Variants in ANO6 observed in about 807,000 individuals in gnomAD.
ANO6 encodes anoctamin 6.
ANO6 carries 106 observed loss-of-function variants against 117.5 expected under a neutral mutation model. The observed-to-expected ratio is 0.90, with a 90% CI of 0.77 to 1.06. The LOEUF is 1.06. Ranked by LOEUF, ANO6 falls within the 50% of genes least tolerant of loss-of-function variation. The probability of loss-of-function intolerance (pLI) is 0.00; values close to 1 mark genes in which losing one functional copy is unlikely to be tolerated. For missense variants in ANO6, 955 were observed against 1,121.1 expected, an observed-to-expected ratio of 0.85 and a Z score of 2.12; for synonymous variants, 367 against 385.1, an observed-to-expected ratio of 0.95 and a Z score of 0.55.
chr12:45,411,738 T>TGAC (rs1256942261), intron 16 of ANO6, among the ~76,000 whole-genome samples: 5 of 152,190 alleles, frequency 3.3e-5, no homozygotes, highest in African/African-American at 1.2e-4. Flanking sequence ...CTTTCCTACC[T>TGAC]GACAAGTCCT....
intron 3 of ANO6, among the ~76,000 whole-genome samples, chr12:45,342,135 AC>A (rs1940997955): frequency 1.3e-5 from 2 of 152,292 alleles, no homozygotes; most frequent in South Asian, 4.1e-4. Flanking sequence ...GAATCTAGCC[AC>A]TATGCCCAGG....
chr12:45,362,975 G>T (rs188920286), intron 8 of ANO6, among the ~76,000 whole-genome samples: 1 of 151,964 alleles, frequency 6.6e-6, no homozygotes, highest in African/African-American at 2.4e-5. Context: ...TATATATGTA[G>T]TTAGTTCTAT....
intron 3 of ANO6, among the ~76,000 whole-genome samples, chr12:45,345,151 A>G (rs1426174327): frequency 6.6e-6 from 1 of 152,232 alleles, no homozygotes; most frequent in African/African-American, 2.4e-5. Context: ...CTCTTAGAAC[A>G]GTGTCTGGCA....
chr12:45,325,040 TATATAATTAAGAAGAATCAG>T (rs558332744), intron 2 of ANO6, among the ~76,000 whole-genome samples: 3,821 of 152,246 alleles, frequency 0.025, 67 homozygotes, highest in Non-Finnish European at 0.039. Flanking sequence ...ATAGTTGAAG[TATATAATTAAGAAGAATCAG>T]AGGATGAGCA....
At chr12:45,407,962 G>T (rs970032987) in intron 15 of ANO6, among the ~76,000 whole-genome samples, 10 of 152,130 alleles carry the variant, frequency 6.6e-5, no homozygotes, top group Non-Finnish European at 1.2e-4. Context: ...AGAAAGAAGT[G>T]GGGAAAGATT....
Position 45,216,398 on chromosome 12 carries a change from G to A in ANO6, c.70+7G>A. The stretch of plus-strand genomic sequence containing the variant: ...GACGACGATGGGGATATCGGTGAGC[G>A]AGGGGTCCCCGCGTCCCCACCCGAG... On this transcript the variant is annotated splice_region_variant and intron_variant, in intron 1 of 19. Transcript: ENST00000320560. The A allele has an allele frequency of 6.2e-7, 1 of 1,610,354 alleles. No individual in the cohort carries two copies. The highest frequency in any genetic ancestry group is 8.5e-7 in the Non-Finnish European group (1 of 1,178,586).
At chr12:45,252,798 A>C (rs1018965282) in intron 1 of ANO6, among the ~76,000 whole-genome samples, 3 of 152,222 alleles carry the variant, frequency 2.0e-5, no homozygotes, top group Non-Finnish European at 4.4e-5. Context: ...TTTGTATATA[A>C]TGGTTTTGGT....
At chr12:45,259,188 G>A (rs1937938755) in intron 1 of ANO6, among the ~76,000 whole-genome samples, 1 of 152,226 alleles carries the variant, frequency 6.6e-6, no homozygotes, top group Non-Finnish European at 1.5e-5. Context: ...GAATGGTGAA[G>A]CATTAAGTTT....
chr12:45,237,343 G>A (rs1947661623), intron 1 of ANO6, among the ~76,000 whole-genome samples: 1 of 152,166 alleles, frequency 6.6e-6, no homozygotes, highest in Non-Finnish European at 1.5e-5. Flanking sequence ...TTCTTCTAGG[G>A]ATTTTATGGT....
At chr12:45,352,179 G>A (rs1593002126) in intron 7 of ANO6, among the ~76,000 whole-genome samples, 1 of 151,966 alleles carries the variant, frequency 6.6e-6, no homozygotes, top group Non-Finnish European at 1.5e-5. Flanking sequence ...ACAAATGAAT[G>A]TTTGTTTTGT....
intron 3 of ANO6, among the ~76,000 whole-genome samples, chr12:45,335,340 A>T (rs914011030): frequency 6.6e-6 from 1 of 152,036 alleles, no homozygotes; most frequent in African/African-American, 2.4e-5. Context: ...AAAAACTGTT[A>T]TCCATTGTTT....
intron 9 of ANO6, among the ~76,000 whole-genome samples, chr12:45,371,268 G>T (rs1941825304): frequency 6.6e-6 from 1 of 152,204 alleles, no homozygotes; most frequent in African/African-American, 2.4e-5. Flanking sequence ...CTGCAAGGCG[G>T]CAGCGAGGCT....
intron 8 of ANO6, among the ~76,000 whole-genome samples, chr12:45,359,332 G>A (rs990611248): frequency 5.9e-5 from 9 of 152,150 alleles, no homozygotes; most frequent in African/African-American, 2.2e-4. Flanking sequence ...TATTAAAAAT[G>A]TGTAAACAAT....
intron 17 of ANO6, among the ~76,000 whole-genome samples, chr12:45,418,565 AG>A (rs1242376190): frequency 1.3e-5 from 2 of 152,194 alleles, no homozygotes; most frequent in Non-Finnish European, 2.9e-5. Flanking sequence ...TGAAACTAAA[AG>A]GGTTTTTATT....
chr12:45,347,908 T>C, intron 4 of ANO6, 120 bp from the exon 5 acceptor site: 1 of 941,708 alleles, frequency 1.1e-6, no homozygotes, highest in East Asian at 2.5e-5. Flanking sequence ...TATCTTCACT[T>C]TTAGTGGTGG....
chr12:45,244,541 G>C (rs1423717447), intron 1 of ANO6, among the ~76,000 whole-genome samples: 1 of 152,040 alleles, frequency 6.6e-6, no homozygotes, highest in African/African-American at 2.4e-5. Flanking sequence ...GTTTTCATTA[G>C]ATTCTTAAGG....
At chr12:45,380,933 C>G (rs1942152913) in intron 10 of ANO6, among the ~76,000 whole-genome samples, 1 of 152,156 alleles carries the variant, frequency 6.6e-6, no homozygotes, top group South Asian at 2.1e-4. Context: ...CACTACTGCA[C>G]TCCAGCCTGA....
rs557069359 is a variant in ANO6, at chr12:45,356,331, G to T, written c.864-959G>T. Among the ~76,000 whole-genome samples the T allele has an allele frequency of 1.7e-3, 263 of 151,974 alleles. 2 individuals carry two copies. The highest frequency in any genetic ancestry group is 5.9e-3 in the African/African-American group (245 of 41,464). On this transcript the variant is annotated intron_variant, in intron 7 of 19. Transcript: ENST00000320560. ...AGAGACATTCCACTACAAATTAGTG[G>T]TTTTTTTTCTTATTATTACAGTTGC...
At chr12:45,438,328 T>A (rs553486047) in intron 19 of ANO6, among the ~76,000 whole-genome samples, 17 of 152,104 alleles carry the variant, frequency 1.1e-4, no homozygotes, top group Non-Finnish European at 2.4e-4. Flanking sequence ...CATTCCAAGC[T>A]GTTTTCCTGG....
Sources: allele counts gnomAD v4.1 joint callset (sites outside exome capture counted in the v4.1 genomes callset), GRCh38; gene constraint gnomAD v4.1.1; transcripts MANE v1.5; gene names NCBI Gene and HGNC (gene_info 2026-07-23, HGNC 2026-07-21).